Variants in KCNT2 observed in about 807,000 individuals in gnomAD.
The protein encoded by KCNT2 is potassium channel subfamily T member 2.
KCNT2 carries 67 observed loss-of-function variants against 153.8 expected under a neutral mutation model. The observed-to-expected ratio is 0.44, with a 90% CI of 0.36 to 0.53. KCNT2 has a LOEUF of 0.53. KCNT2 is among the 20% of genes least tolerant of loss of function. The pLI is 0.00. For missense variants in KCNT2, 975 were observed against 1,354.8 expected, an observed-to-expected ratio of 0.72 and a Z score of 4.40; for synonymous variants, 500 against 458.8, an observed-to-expected ratio of 1.09 and a Z score of -1.15.
chr1:196,351,136 G>A (rs181946345), intron 14 of KCNT2, among the ~76,000 whole-genome samples: 17 of 152,254 alleles, frequency 1.1e-4, no homozygotes, highest in South Asian at 8.3e-4. Flanking sequence ...GTTAGGTAGC[G>A]TGATGCCTCC....
chr1:196,445,830 C>A (rs1002514476), intron 8 of KCNT2, among the ~76,000 whole-genome samples: 4 of 151,288 alleles, frequency 2.6e-5, no homozygotes, highest in Non-Finnish European at 5.9e-5. Flanking sequence ...ACTAACCTTT[C>A]TGTCAATGGT....
intron 1 of KCNT2, among the ~76,000 whole-genome samples, chr1:196,593,311 T>TACACACACACACAC (rs869080667): frequency 7.1e-6 from 1 of 140,204 alleles, no homozygotes; most frequent in South Asian, 2.2e-4. Flanking sequence ...TATATATATA[T>TACACACACACACAC]ACACACACAC....
At chr1:196,290,786 T>C (rs971291659) in intron 22 of KCNT2, among the ~76,000 whole-genome samples, 1 of 152,096 alleles carries the variant, frequency 6.6e-6, no homozygotes, top group Non-Finnish European at 1.5e-5. Context: ...TATTATCTCA[T>C]GCCTGATTTA....
At chr1:196,305,833 G>A (rs993779519) in intron 21 of KCNT2, among the ~76,000 whole-genome samples, 2 of 152,084 alleles carry the variant, frequency 1.3e-5, no homozygotes, top group African/African-American at 2.4e-5. Context: ...AAACTTCTGA[G>A]ATGAGGAAAT....
intron 22 of KCNT2, among the ~76,000 whole-genome samples, chr1:196,286,628 C>T (rs1041100286): frequency 7.0e-6 from 1 of 143,072 alleles, no homozygotes; most frequent in Non-Finnish European, 1.5e-5. Context: ...CACACACACA[C>T]ACACACACAT....
intron 1 of KCNT2, among the ~76,000 whole-genome samples, chr1:196,508,189 C>CAAAAAAAAAAA (rs10539910): frequency 6.7e-5 from 4 of 59,980 alleles, no homozygotes; most frequent in Non-Finnish European, 9.0e-5. Context: ...CCCTAAGTAG[C>CAAAAAAAAAAA]AAAAAAAAAA....
At chr1:196,435,718 G>A (rs565585331) in intron 8 of KCNT2, among the ~76,000 whole-genome samples, 6 of 151,514 alleles carry the variant, frequency 4.0e-5, no homozygotes, top group Non-Finnish European at 5.9e-5. Context: ...TAAAGCATTC[G>A]GACAACTGTC....
intron 21 of KCNT2, among the ~76,000 whole-genome samples, chr1:196,311,763 G>A (rs963559082): frequency 6.6e-6 from 1 of 151,460 alleles, no homozygotes; most frequent in African/African-American, 2.4e-5. Context: ...TCCTAGATGG[G>A]CTAAGATGAG....
At chr1:196,371,654 T>C (rs1005768276) in intron 14 of KCNT2, among the ~76,000 whole-genome samples, 19 of 152,150 alleles carry the variant, frequency 1.2e-4, no homozygotes, top group African/African-American at 4.6e-4. Context: ...GCTTTCTTTT[T>C]TAATAAGGCA....
intron 1 of KCNT2, among the ~76,000 whole-genome samples, chr1:196,595,828 C>A (rs1572930271): frequency 2.6e-5 from 4 of 151,918 alleles, no homozygotes; most frequent in South Asian, 2.1e-4. Flanking sequence ...AGTCTTTTAA[C>A]CCTCACCCTT....
chr1:196,542,235 AT>A (rs1656477096), intron 1 of KCNT2, among the ~76,000 whole-genome samples: 1 of 152,178 alleles, frequency 6.6e-6, no homozygotes, highest in Non-Finnish European at 1.5e-5. Context: ...CTTTTGTCTC[AT>A]TAGAATTTGT....
chr1:196,316,641 T>G (rs1662753180), intron 20 of KCNT2, among the ~76,000 whole-genome samples: 1 of 151,748 alleles, frequency 6.6e-6, no homozygotes, highest in Admixed American at 6.6e-5. Context: ...GAGCAAGTGA[T>G]TGAATAACCC....
intron 1 of KCNT2, among the ~76,000 whole-genome samples, chr1:196,514,125 T>G (rs1015705391): frequency 1.3e-5 from 2 of 152,190 alleles, no homozygotes; most frequent in African/African-American, 4.8e-5. Flanking sequence ...GATCTAAAAT[T>G]GTGAGGGCAG....
chr1:196,460,124 T>C (rs1291824824), intron 8 of KCNT2, among the ~76,000 whole-genome samples: 5 of 151,816 alleles, frequency 3.3e-5, no homozygotes, highest in Admixed American at 2.0e-4. Context: ...GGGGGTTATA[T>C]GGAGACAAAA....
At chr1:196,352,434 G>GA (rs1328570774) in intron 14 of KCNT2, among the ~76,000 whole-genome samples, 2 of 152,060 alleles carry the variant, frequency 1.3e-5, no homozygotes, top group East Asian at 3.9e-4. Context: ...TTAGTCTTGG[G>GA]AGAGTGTATG....
chr1:196,485,933 AC>A (rs1489049963), intron 3 of KCNT2, among the ~76,000 whole-genome samples: 5 of 151,980 alleles, frequency 3.3e-5, no homozygotes, highest in East Asian at 3.9e-4. Flanking sequence ...GATAAAAAAA[AC>A]ACTAGGAGGA....
chr1:196,239,145 A>G lies in KCNT2; in HGVS notation c.3212-3075T>C, dbSNP rs1294577800. ...TTTATTTGGTAAATTAGCTTCATGA[A>G]CAACAGAATCTATTTCTTACCAAAT... On this transcript the variant is annotated intron_variant, in intron 26 of 27. Coordinates refer to ENST00000294725, the MANE Select transcript of KCNT2 (RefSeq NM_198503.5). Among the ~76,000 whole-genome samples, 3 of 151,948 alleles carry G rather than the reference A, an allele frequency of 2.0e-5. No individual in the cohort carries two copies. In the East Asian group the frequency reaches 5.8e-4, roughly 29 times the overall value.
At chr1:196,373,295 G>A (rs375362104) in intron 13 of KCNT2, 47 bp from the exon 14 acceptor site, 7 of 801,994 alleles carry the variant, frequency 8.7e-6, no homozygotes, top group Admixed American at 8.2e-5. Flanking sequence ...CCTTTGGAGA[G>A]TAATAAAATG....
At chr1:196,575,697 G>A (rs1661272194) in intron 1 of KCNT2, among the ~76,000 whole-genome samples, 1 of 144,260 alleles carries the variant, frequency 6.9e-6, no homozygotes, top group African/African-American at 2.5e-5. Context: ...AGTTTAAATT[G>A]AGGAAGAGGG....
Sources: gnomAD v4.1 joint callset for allele counts (sites outside exome capture counted in the v4.1 genomes callset) on GRCh38, gnomAD v4.1.1 for gene constraint, MANE v1.5 for transcripts, NCBI Gene and HGNC (gene_info 2026-07-23, HGNC 2026-07-21) for gene names.